TBC1D5: variants seen among roughly 807,000 people sequenced by gnomAD.
The protein encoded by TBC1D5 is TBC1 domain family, member 5.
In TBC1D5, 75 loss-of-function variants were observed where a neutral mutation model predicts 100.3. The observed-to-expected ratio is 0.75, with a 90% CI of 0.62 to 0.91. The LOEUF is 0.91. TBC1D5 is among the 40% of genes least tolerant of loss of function. The pLI, the probability that TBC1D5 is intolerant of heterozygous loss-of-function variation, is 0.00. For synonymous variants in TBC1D5, 323 were observed against 325.6 expected, an observed-to-expected ratio of 0.99 and a Z score of 0.09; for missense variants, 910 against 942.4, an observed-to-expected ratio of 0.97 and a Z score of 0.45.
At chr3:17,736,677 T>A (rs1046270787) in intron 1 of TBC1D5, among the ~76,000 whole-genome samples, 1 of 152,118 alleles carries the variant, frequency 6.6e-6, no homozygotes, top group African/African-American at 2.4e-5. Context: ...TTCTGCCAGG[T>A]AGCTGCTGGG....
At chr3:17,601,195 T>G (rs1021214838) in intron 2 of TBC1D5, among the ~76,000 whole-genome samples, 1 of 152,168 alleles carries the variant, frequency 6.6e-6, no homozygotes, top group African/African-American at 2.4e-5. Flanking sequence ...ACTGAAACAT[T>G]CAGAAATGCC....
At chr3:17,564,018 G>A (rs1338182838) in intron 2 of TBC1D5, among the ~76,000 whole-genome samples, 1 of 152,194 alleles carries the variant, frequency 6.6e-6, no homozygotes, top group East Asian at 1.9e-4. Flanking sequence ...TCCTGACCTT[G>A]TGATCCGCCC....
In TBC1D5 at chr3:17,324,393, G is replaced by C. The variant is rs572495232; in HGVS notation, c.996-16259C>G. On this transcript the variant is annotated intron_variant, in intron 13 of 21. Coordinates refer to ENST00000253692, the Ensembl canonical transcript of TBC1D5. The stretch of plus-strand genomic sequence containing the variant: ...TGTGGTGGCTCACACCTGTATCCTA[G>C]CACTTTGGGAGGCCGCGGCAGGCGG... 2.6e-5 allele frequency among the ~76,000 whole-genome samples: 4 copies of C among 152,328 alleles called. No homozygotes were observed. The East Asian group carries it at 7.7e-4, about 29-fold the overall frequency.
intron 2 of TBC1D5, among the ~76,000 whole-genome samples, chr3:17,590,506 T>G (rs556216188): frequency 6.6e-6 from 1 of 152,164 alleles, no homozygotes; most frequent in South Asian, 2.1e-4. Flanking sequence ...ATTAGTCACT[T>G]TAGATCTACT....
intron 2 of TBC1D5, among the ~76,000 whole-genome samples, chr3:17,564,763 G>A (rs955921992): frequency 6.6e-6 from 1 of 151,832 alleles, no homozygotes; most frequent in Non-Finnish European, 1.5e-5. Context: ...TTTCCTATAT[G>A]TTAAAAACAA....
chr3:17,332,219 T>C (rs1265009066), intron 13 of TBC1D5, among the ~76,000 whole-genome samples: 1 of 152,132 alleles, frequency 6.6e-6, no homozygotes, highest in Non-Finnish European at 1.5e-5. Flanking sequence ...ATTTTGAAGA[T>C]ACGGCCAATG....
At chr3:17,703,914 GT>G (rs58614671) in intron 1 of TBC1D5, among the ~76,000 whole-genome samples, 72,659 of 141,730 alleles carry the variant, frequency 0.51, 19,245 homozygotes, top group East Asian at 0.92. Context: ...TTTTTTTTTT[GT>G]TTTTTTTTTT....
chr3:17,615,830 A>G (rs1425337039), intron 2 of TBC1D5, among the ~76,000 whole-genome samples: 1 of 152,162 alleles, frequency 6.6e-6, no homozygotes, highest in East Asian at 1.9e-4. Flanking sequence ...ATCCTTTCAA[A>G]AAACCAGCTC....
intron 16 of TBC1D5, among the ~76,000 whole-genome samples, chr3:17,258,221 T>C (rs561751368): frequency 7.9e-5 from 12 of 152,278 alleles, no homozygotes; most frequent in Middle Eastern, 3.4e-3. Context: ...AAAGAGATTA[T>C]ACAAGTAGGC....
chr3:17,356,808 A>G (rs1487967767), intron 13 of TBC1D5, among the ~76,000 whole-genome samples: 1 of 152,142 alleles, frequency 6.6e-6, no homozygotes, highest in Non-Finnish European at 1.5e-5. Flanking sequence ...TGAAATGCAG[A>G]TCCTGGGTGT....
intron 13 of TBC1D5, among the ~76,000 whole-genome samples, chr3:17,324,583 G>C (rs1031283397): frequency 6.6e-6 from 1 of 152,142 alleles, no homozygotes; most frequent in African/African-American, 2.4e-5. Flanking sequence ...GGCAGAGGTT[G>C]CAGTAAGCCT....
At chr3:17,372,407 A>T (rs1228266886) in intron 12 of TBC1D5, among the ~76,000 whole-genome samples, 160 bp from the exon 13 acceptor site, 1 of 152,200 alleles carries the variant, frequency 6.6e-6, no homozygotes, top group Non-Finnish European at 1.5e-5. Flanking sequence ...TTAAAATAGG[A>T]AGATGAAAAA....
At chr3:17,605,970 GTTCT>G (rs547344525) in intron 2 of TBC1D5, among the ~76,000 whole-genome samples, 287 of 152,216 alleles carry the variant, frequency 1.9e-3, no homozygotes, top group Non-Finnish European at 2.9e-3. Flanking sequence ...TTGCTCTCTA[GTTCT>G]AGACACATTT....
chr3:17,567,703 T>C (rs1213430794), intron 2 of TBC1D5, among the ~76,000 whole-genome samples: 1 of 151,628 alleles, frequency 6.6e-6, no homozygotes, highest in Non-Finnish European at 1.5e-5. Context: ...GAAAAGGTGG[T>C]TCTAAAGCAC....
At chr3:17,708,530 G>A (rs1577684152) in intron 1 of TBC1D5, among the ~76,000 whole-genome samples, 1 of 152,026 alleles carries the variant, frequency 6.6e-6, no homozygotes, top group South Asian at 2.1e-4. Flanking sequence ...ATTATGGGGG[G>A]GTCTGTCCTA....
At chr3:17,542,577 G>A (rs1016135034) in intron 2 of TBC1D5, among the ~76,000 whole-genome samples, 4 of 152,140 alleles carry the variant, frequency 2.6e-5, no homozygotes, top group Non-Finnish European at 4.4e-5. Flanking sequence ...ATTGTAGAGA[G>A]CAAAACCACA....
At chr3:17,254,060 T>C (rs1384681004) in intron 16 of TBC1D5, among the ~76,000 whole-genome samples, 3 of 152,212 alleles carry the variant, frequency 2.0e-5, no homozygotes, top group Admixed American at 2.0e-4. Context: ...TATAGCTGAG[T>C]AGTATTCCAT....
intron 1 of TBC1D5, among the ~76,000 whole-genome samples, chr3:17,696,056 A>C (rs1437021542): frequency 6.6e-6 from 1 of 152,250 alleles, no homozygotes; most frequent in Non-Finnish European, 1.5e-5. Flanking sequence ...ACCAATGAGA[A>C]CAAAGACACA....
chr3:17,527,494 G>A (rs146867395), intron 2 of TBC1D5, among the ~76,000 whole-genome samples: 96 of 152,186 alleles, frequency 6.3e-4, no homozygotes, highest in African/African-American at 2.1e-3. Flanking sequence ...TTTGAGCAAG[G>A]GTGTGACATG....
Sources: gnomAD v4.1 joint callset for allele counts (sites outside exome capture counted in the v4.1 genomes callset) on GRCh38, gnomAD v4.1.1 for gene constraint, MANE v1.5 for transcripts, NCBI Gene and HGNC (gene_info 2026-07-23, HGNC 2026-07-21) for gene names.